VWDE: variants seen among roughly 807,000 people sequenced by gnomAD.
VWDE encodes the protein von Willebrand factor D and EGF domains.
Under a neutral mutation model 178.4 loss-of-function variants are expected in VWDE, and 207 were observed. That is an observed-to-expected ratio of 1.16 (90% confidence interval 1.04 to 1.30). The LOEUF (loss-of-function observed/expected upper bound fraction) is 1.30. VWDE is among the 50% of genes most tolerant of loss of function. The pLI is 0.00. For synonymous variants in VWDE, 738 were observed against 651.4 expected (o/e 1.13, Z -2.02); for missense variants, 2,287 against 1,901.3 (o/e 1.20, Z -3.77).
chr7:12,397,692 T>G (rs186435069), intron 1 of VWDE, among the ~76,000 whole-genome samples: 2 of 152,224 alleles, frequency 1.3e-5, no homozygotes, highest in African/African-American at 4.8e-5. Flanking sequence ...ATATCCAGAA[T>G]CTATAAGGAA....
intron 13 of VWDE, among the ~76,000 whole-genome samples, chr7:12,363,877 A>G (rs1001844434): frequency 2.0e-5 from 3 of 152,116 alleles, no homozygotes; most frequent in African/African-American, 4.8e-5. Flanking sequence ...TATTATAAAT[A>G]AAACAGATAA....
intron 18 of VWDE, among the ~76,000 whole-genome samples, chr7:12,355,174 C>T (rs146376266): frequency 0.017 from 2,544 of 152,026 alleles, 63 homozygotes; most frequent in African/African-American, 0.059. Flanking sequence ...CCCAGTACTT[C>T]GGGAGGCTGA....
At position 12,340,397 on chromosome 7, in the gene VWDE, G is replaced by A. The variant is rs1781264338; in HGVS notation, c.4291C>T (p.Leu1431Phe). The A allele has an allele frequency of 6.4e-7, 1 of 1,551,330 alleles. No homozygotes were observed. Among genetic ancestry groups the A allele is most frequent in the Non-Finnish European group, 8.7e-7 (1 of 1,146,778 alleles). Residue 1431 changes from leucine to phenylalanine, a missense_variant, in exon 24 of 29, where the codon CTC becomes TTC. By Grantham distance (22) the Leu-to-Phe change is conservative. Transcript: ENST00000275358. Reference protein sequence around the residue: ...CSTALCDPVCLNGGSCNKPNT... With the variant: ...CSTALCDPVCFNGGSCNKPNT... Reference sequence around the variant, plus strand: ...GGCTTATTACACGAACCACCATTGAGGCAGACAGGGTCGCACAAAGCTAAT... The same window carrying A: ...GGCTTATTACACGAACCACCATTGAAGCAGACAGGGTCGCACAAAGCTAAT...
chr7:12,371,736 C>T (rs1783213050), intron 10 of VWDE, among the ~76,000 whole-genome samples: 1 of 152,026 alleles, frequency 6.6e-6, no homozygotes, highest in Non-Finnish European at 1.5e-5. Flanking sequence ...ATATTTTGGG[C>T]ATATCTTCGC....
At chr7:12,351,114 C>A (rs908546934) in intron 19 of VWDE, among the ~76,000 whole-genome samples, 3 of 151,950 alleles carry the variant, frequency 2.0e-5, no homozygotes, top group South Asian at 2.1e-4. Flanking sequence ...AATGCAGAGG[C>A]ATAAAGAAAG....
intron 13 of VWDE, among the ~76,000 whole-genome samples, chr7:12,364,252 T>C (rs989054955): frequency 6.6e-6 from 1 of 152,064 alleles, no homozygotes; most frequent in Non-Finnish European, 1.5e-5. Context: ...TTTCTAACTG[T>C]ATCCATTAAA....
At position 12,369,864 on chromosome 7, in the gene VWDE, TAG is replaced by T. The variant is rs1188141837; in HGVS notation, c.2440_2441del (p.Leu814SerfsTer33). The T allele has an allele frequency of 6.4e-7, 1 of 1,551,450 alleles. No homozygotes were observed. On this transcript the variant is annotated frameshift_variant, in exon 12 of 29. Transcript: ENST00000275358. LOFTEE classifies it high-confidence loss of function. ...ACAGCCTTCCTATGCTGGAGTTGGC[TAG>T]AGTCTCCTGACAGAGGGTCAAGGTG... ...YSTLTLCQET[L>X]ANSSIGRLCL... is the part of the protein sequence containing the mutation.
intron 2 of VWDE, among the ~76,000 whole-genome samples, chr7:12,389,676 A>T (rs1784287452): frequency 6.6e-6 from 1 of 152,220 alleles, no homozygotes; most frequent in African/African-American, 2.4e-5. Flanking sequence ...GATACATTCT[A>T]AAATAAGACA....
In VWDE at chr7:12,403,767, T is replaced by C; in HGVS notation, c.-51A>G. 1 of 1,542,746 alleles carries C rather than the reference T, an allele frequency of 6.5e-7. No individual in the cohort carries two copies. Among genetic ancestry groups the C allele is most frequent in the Non-Finnish European group, 8.8e-7 (1 of 1,140,394 alleles). On this transcript the variant is annotated 5_prime_UTR_variant, in exon 1 of 29. Coordinates refer to ENST00000275358, the MANE Select transcript of VWDE (RefSeq NM_001135924.3). ...GGCGTCGCAGAGCCCGGGCCGCGGG[T>C]GCCAGGAGGATGGGGCCACAGCAGC... is the stretch of plus-strand genomic sequence containing the variant.
chr7:12,378,973 C>A (rs377171133), intron 6 of VWDE, among the ~76,000 whole-genome samples: 1 of 152,108 alleles, frequency 6.6e-6, no homozygotes, highest in East Asian at 1.9e-4. Context: ...CTTATTAATT[C>A]CCTGTCATCT....
At chr7:12,377,003 C>T (rs952531142) in intron 7 of VWDE, among the ~76,000 whole-genome samples, 3 of 151,862 alleles carry the variant, frequency 2.0e-5, no homozygotes, top group African/African-American at 7.3e-5. Flanking sequence ...TTACTAAAGA[C>T]AATGTAATGT....
intron 17 of VWDE, among the ~76,000 whole-genome samples, chr7:12,356,707 A>G (rs1249830253): frequency 6.6e-6 from 1 of 152,226 alleles, no homozygotes; most frequent in Non-Finnish European, 1.5e-5. Context: ...CTGGGTTAAT[A>G]TGGCATAGAA....
In VWDE at chr7:12,369,722, A is replaced by G; in HGVS notation, c.2584T>C (p.Cys862Arg). 1 of 1,551,520 alleles carries G rather than the reference A, an allele frequency of 6.4e-7. No homozygotes were observed. Among genetic ancestry groups the G allele is most frequent in the Non-Finnish European group, 8.7e-7 (1 of 1,146,876 alleles). ...EAGVALLENE[C>R]EKRIVEEGKY... ...CCCTCCTCCACAATCCTCTTTTCACATTCATTTTCTAAAAGGGCCACACCT... is the reference window on the plus strand; with the variant it reads ...CCCTCCTCCACAATCCTCTTTTCACGTTCATTTTCTAAAAGGGCCACACCT... The change falls in exon 12 of 29, where the codon TGT (cysteine) becomes CGT (arginine). Residue 862 changes from cysteine (C) to arginine (R), a missense_variant. Transcript: ENST00000275358.
At chr7:12,393,492 C>G in intron 2 of VWDE, 102 bp downstream of exon 2, 2 of 1,039,264 alleles carry the variant, frequency 1.9e-6, no homozygotes, top group Non-Finnish European at 2.7e-6. Context: ...AAAATTAAAA[C>G]AACATTTTAG....
At position 12,357,358 on chromosome 7, in the gene VWDE, C is replaced by T. The variant is rs1396570405; in HGVS notation, c.3432G>A (p.Gly1144=). 1 of 1,551,910 alleles carries T rather than the reference C, an allele frequency of 6.4e-7. No individual in the cohort carries two copies. The highest frequency in any genetic ancestry group is 8.7e-7 in the Non-Finnish European group (1 of 1,147,052). Residue 1144 remains glycine (G), a synonymous_variant, in exon 17 of 29, where the codon GGG becomes GGA. Coordinates refer to ENST00000275358, the MANE Select transcript of VWDE (RefSeq NM_001135924.3). ...GTAAATCTGTTTTCCACATAAAAAGCCCTGCAGAGGAAACACTTGCCCCTT... is the reference window on the plus strand; with the variant it reads ...GTAAATCTGTTTTCCACATAAAAAGTCCTGCAGAGGAAACACTTGCCCCTT... ...GPEGASVSSA[G]LFMWKTDLLT...
At chr7:12,396,014 G>A (rs886976573) in intron 1 of VWDE, among the ~76,000 whole-genome samples, 1 of 152,096 alleles carries the variant, frequency 6.6e-6, no homozygotes, top group Non-Finnish European at 1.5e-5. Context: ...ACATTAAAAT[G>A]TATACTTCCA....
intron 7 of VWDE, among the ~76,000 whole-genome samples, chr7:12,376,774 G>A (rs775526339): frequency 5.3e-5 from 8 of 152,034 alleles, no homozygotes; most frequent in East Asian, 1.9e-4. Context: ...AAATCTGAGC[G>A]AGTAGGTAGG....
chr7:12,382,849 G>A (rs1177656464), intron 4 of VWDE, among the ~76,000 whole-genome samples: 1 of 151,250 alleles, frequency 6.6e-6, no homozygotes, highest in Non-Finnish European at 1.5e-5. Context: ...TTTATTTTAA[G>A]GCATATTATA....
At chr7:12,336,846 G>C (rs1350505612) in intron 26 of VWDE, 142 bp downstream of exon 26, 4 of 665,366 alleles carry the variant, frequency 6.0e-6, no homozygotes, top group African/African-American at 5.5e-5. Context: ...TTTCAAAGAG[G>C]TATCTCCTAA....
Sources: allele counts gnomAD v4.1 joint callset (sites outside exome capture counted in the v4.1 genomes callset), GRCh38; gene constraint gnomAD v4.1.1; transcripts MANE v1.5; gene names NCBI Gene and HGNC (gene_info 2026-07-23, HGNC 2026-07-21).